Variants in DLGAP1 observed in about 807,000 individuals in gnomAD.
DLGAP1 encodes disks large-associated protein 1.
In DLGAP1, 11 loss-of-function variants were observed where a neutral mutation model predicts 90.8. The observed-to-expected ratio is 0.12, with a 90% CI of 0.08 to 0.20. DLGAP1 has a LOEUF of 0.20. Ranked by LOEUF, DLGAP1 falls within the 10% of genes least tolerant of loss-of-function variation. The pLI, the probability that DLGAP1 is intolerant of heterozygous loss-of-function variation, is 1.00. For missense variants in DLGAP1, 1,050 were observed against 1,333.8 expected (o/e 0.79, Z 3.31); for synonymous variants, 558 against 540.7 (o/e 1.03, Z -0.44).
intron 10 of DLGAP1, among the ~76,000 whole-genome samples, chr18:3,529,607 A>G (rs1222157819): frequency 2.0e-5 from 3 of 152,354 alleles, no homozygotes; most frequent in East Asian, 1.9e-4. Flanking sequence ...TGATATGAAG[A>G]TGAGTAAGAC....
intron 7 of DLGAP1, among the ~76,000 whole-genome samples, chr18:3,657,728 G>C (rs991017318): frequency 2.6e-5 from 4 of 151,044 alleles, no homozygotes; most frequent in Non-Finnish European, 4.4e-5. Flanking sequence ...TCAGCCTCCC[G>C]AATAGCTGGT....
intron 7 of DLGAP1, among the ~76,000 whole-genome samples, chr18:3,707,211 C>T (rs576011779): frequency 1.0e-3 from 153 of 152,198 alleles, no homozygotes; most frequent in Non-Finnish European, 1.8e-3. Context: ...TGTACCTCTA[C>T]GCTCTAAGAA....
chr18:3,567,358 A>T (rs1005582659), intron 9 of DLGAP1, 132 bp downstream of exon 9: 2 of 717,422 alleles, frequency 2.8e-6, no homozygotes, highest in East Asian at 5.2e-5. Flanking sequence ...TATTGATTCA[A>T]CTTCACCCTT....
chr18:4,173,111 T>C (rs192686234), intron 1 of DLGAP1, among the ~76,000 whole-genome samples: 51 of 152,290 alleles, frequency 3.3e-4, no homozygotes, highest in Admixed American at 5.9e-4. Flanking sequence ...AATATTAAAA[T>C]CTAAAAGGAA....
chr18:3,768,730 C>A (rs2064374284), intron 5 of DLGAP1, among the ~76,000 whole-genome samples: 1 of 152,158 alleles, frequency 6.6e-6, no homozygotes, highest in South Asian at 2.1e-4. Context: ...AGCAATTGGA[C>A]ATCCACAGGC....
intron 1 of DLGAP1, among the ~76,000 whole-genome samples, chr18:4,258,008 T>TGCGC (rs1555773227): frequency 1.4e-5 from 2 of 140,848 alleles, no homozygotes; most frequent in African/African-American, 6.2e-5. Flanking sequence ...TGTGTGTGTG[T>TGCGC]GTGCGCGCGC....
At chr18:4,110,931 G>A (rs944928633) in intron 2 of DLGAP1, among the ~76,000 whole-genome samples, 11 of 152,018 alleles carry the variant, frequency 7.2e-5, no homozygotes, top group African/African-American at 1.7e-4. Flanking sequence ...TGTCCCAGGC[G>A]GGCTCTTCTT....
intron 2 of DLGAP1, among the ~76,000 whole-genome samples, chr18:4,022,244 A>G (rs2074623072): frequency 6.6e-6 from 1 of 151,936 alleles, no homozygotes; most frequent in African/African-American, 2.4e-5. Flanking sequence ...ATTATCGTCA[A>G]TCCACAGAAT....
intron 3 of DLGAP1, among the ~76,000 whole-genome samples, chr18:3,965,694 T>G (rs906855568): frequency 2.0e-5 from 3 of 152,178 alleles, no homozygotes; most frequent in Admixed American, 2.0e-4. Flanking sequence ...ACATCTGTAA[T>G]CCCAGCATTT....
intron 2 of DLGAP1, among the ~76,000 whole-genome samples, chr18:4,069,941 T>G (rs539935029): frequency 1.8e-4 from 28 of 152,218 alleles, no homozygotes; most frequent in African/African-American, 6.5e-4. Flanking sequence ...TAATTCAAAC[T>G]GAGACAACAG....
At chr18:4,452,450 C>A (rs891228150) in intron 1 of DLGAP1, among the ~76,000 whole-genome samples, 1 of 150,022 alleles carries the variant, frequency 6.7e-6, no homozygotes, top group East Asian at 2.0e-4. Context: ...AAAACAAGTC[C>A]CCCTCTTCCA....
intron 9 of DLGAP1, among the ~76,000 whole-genome samples, chr18:3,563,793 T>C (rs1397646347): frequency 2.0e-5 from 3 of 152,190 alleles, no homozygotes; most frequent in Non-Finnish European, 4.4e-5. Flanking sequence ...TCAGTCTTCT[T>C]TCTCTTTGCT....
intron 1 of DLGAP1, among the ~76,000 whole-genome samples, chr18:4,424,680 G>A (rs767486392): frequency 1.3e-5 from 2 of 152,116 alleles, no homozygotes; most frequent in African/African-American, 4.8e-5. Flanking sequence ...TGGCATATCT[G>A]AAAGAGAAAA....
rs923998562 is a variant in DLGAP1, at chr18:4,091,533, C to T, written c.-159+59647G>A. 5.9e-5 allele frequency among the ~76,000 whole-genome samples: 9 copies of T among 152,242 alleles called. No individual in the cohort carries two copies. In the East Asian group the frequency reaches 1.7e-3, roughly 29 times the overall value. ...TATTCAATCATTTGATATTGTTTAA[C>T]AGCTCTTCAATACTCTGTTCTGTCT... On this transcript the variant is annotated intron_variant, in intron 2 of 12. Transcript: ENST00000315677.
chr18:4,362,790 T>A (rs2081658317), intron 1 of DLGAP1, among the ~76,000 whole-genome samples: 1 of 151,954 alleles, frequency 6.6e-6, no homozygotes, highest in Non-Finnish European at 1.5e-5. Context: ...TGTTCAAAAA[T>A]AACAATTTCA....
intron 4 of DLGAP1, among the ~76,000 whole-genome samples, chr18:3,814,719 G>A (rs1046047236): frequency 2.6e-5 from 4 of 152,120 alleles, no homozygotes; most frequent in South Asian, 2.1e-4. Flanking sequence ...ACAAGCATAC[G>A]ATGTGTAATA....
At chr18:4,004,917 TGTG>T (rs2074270832) in intron 3 of DLGAP1, 196 bp downstream of exon 3, 1 of 136,148 alleles carries the variant, frequency 7.3e-6, no homozygotes, top group Non-Finnish European at 1.5e-5. Context: ...GGTGTGTGTG[TGTG>T]TGTGTGTGTG....
chr18:3,846,815 T>C (rs538119374), intron 4 of DLGAP1, among the ~76,000 whole-genome samples: 17 of 152,252 alleles, frequency 1.1e-4, no homozygotes, highest in East Asian at 5.8e-4. Context: ...CAGGAAGTGA[T>C]TGCTAACAGG....
chr18:4,119,497 T>C (rs1480067745), intron 2 of DLGAP1, among the ~76,000 whole-genome samples: 2 of 152,348 alleles, frequency 1.3e-5, no homozygotes, highest in East Asian at 3.9e-4. Flanking sequence ...AACAGCACTC[T>C]ATTGTTTCAC....
Sources: gnomAD v4.1 joint callset for allele counts (sites outside exome capture counted in the v4.1 genomes callset) on GRCh38, gnomAD v4.1.1 for gene constraint, MANE v1.5 for transcripts, NCBI Gene and HGNC (gene_info 2026-07-23, HGNC 2026-07-21) for gene names.